Variants in SULT1C3 observed in about 807,000 individuals in gnomAD.
SULT1C3 encodes the protein sulfotransferase family 1C member 3.
A neutral mutation model predicts 28.4 loss-of-function variants in SULT1C3; 31 were observed. The ratio of observed to expected loss-of-function variants is 1.09; its 90% CI spans 0.82 to 1.47. SULT1C3 has a LOEUF of 1.47. SULT1C3 is among the 40% of genes most tolerant of loss of function. The pLI is 0.00. For synonymous variants in SULT1C3, 106 were observed against 92.2 expected (o/e 1.15, Z -0.86); for missense variants, 307 against 272.5 (o/e 1.13, Z -0.89).
At chr2:108,246,533 A>G (rs1159600543) in intron 1 of SULT1C3, among the ~76,000 whole-genome samples, 18 of 152,156 alleles carry the variant, frequency 1.2e-4, no homozygotes, top group Non-Finnish European at 2.9e-5. Flanking sequence ...TCAGACCCCA[A>G]CTAAATTCCA....
intron 4 of SULT1C3, among the ~76,000 whole-genome samples, chr2:108,254,686 T>G (rs1675816410): frequency 6.6e-6 from 1 of 150,704 alleles, no homozygotes; most frequent in Non-Finnish European, 1.5e-5. Flanking sequence ...CCATGTGAGA[T>G]ATGTGTGTGT....
At chr2:108,264,430 A>G (rs1676086431), downstream of SULT1C3, among the ~76,000 whole-genome samples, 1 of 152,148 alleles carries the variant, frequency 6.6e-6, no homozygotes, top group Non-Finnish European at 1.5e-5. Context: ...AGAGTTAGTT[A>G]TACTATGCTT....
At chr2:108,254,775 A>ATATATGTATGTATGCG (rs1675824385) in intron 4 of SULT1C3, among the ~76,000 whole-genome samples, 2 of 150,866 alleles carry the variant, frequency 1.3e-5, no homozygotes, top group Non-Finnish European at 3.0e-5. Context: ...GTATGTATGC[A>ATATATGTATGTATGCG]TATATATGTA....
chr2:108,245,921 C>G (rs181201839), intron 1 of SULT1C3, among the ~76,000 whole-genome samples: 12 of 152,304 alleles, frequency 7.9e-5, no homozygotes, highest in Middle Eastern at 3.4e-3. Flanking sequence ...CCTTTAACAG[C>G]ACCCAAGTCA....
intron 5 of SULT1C3, among the ~76,000 whole-genome samples, chr2:108,257,462 A>G (rs1357517392): frequency 6.6e-6 from 1 of 152,044 alleles, no homozygotes; most frequent in African/African-American, 2.4e-5. Context: ...TATATTATGC[A>G]TATATATAAA....
At chr2:108,264,849 A>G (rs773376936), downstream of SULT1C3, 1 of 1,612,898 alleles carries the variant, frequency 6.2e-7, no homozygotes, top group Non-Finnish European at 8.5e-7. Flanking sequence ...AATTGAGAAG[A>G]TACTGAAGTT....
At chr2:108,252,618 T>C (rs535601873) in intron 3 of SULT1C3, 125 bp downstream of exon 3, 1 of 1,149,648 alleles carries the variant, frequency 8.7e-7, no homozygotes, top group Non-Finnish European at 1.2e-6. Context: ...GTCTATTTGT[T>C]CTCAGGCCAA....
At chr2:108,244,688 G>T (rs561658424) in intron 1 of SULT1C3, among the ~76,000 whole-genome samples, 1 of 152,280 alleles carries the variant, frequency 6.6e-6, no homozygotes, top group Admixed American at 6.5e-5. Flanking sequence ...AGGGTGGTCA[G>T]AAAATCAGCC....
chr2:108,255,470 A>C (rs1393162096), intron 4 of SULT1C3, 102 bp from the exon 5 acceptor site: 1 of 1,365,724 alleles, frequency 7.3e-7, no homozygotes, highest in African/African-American at 1.5e-5. Context: ...TAATGCTATA[A>C]ACTTATAGGA....
chr2:108,251,795 C>T (rs1675730843), intron 2 of SULT1C3, among the ~76,000 whole-genome samples: 2 of 151,870 alleles, frequency 1.3e-5, no homozygotes, highest in South Asian at 4.2e-4. Flanking sequence ...GTAATGCAGC[C>T]AATACATCTT....
chr2:108,240,056 C>A lies in SULT1C3; in HGVS notation c.-35C>A, dbSNP rs1374001591. On this transcript the variant is annotated 5_prime_UTR_variant, in exon 1 of 8. The change creates a new upstream start codon in the 5' untranslated region. Coordinates refer to ENST00000681802, the MANE Select transcript of SULT1C3 (RefSeq NM_001320878.2). ...AAGCAGTTTGACTAAAGGCAGCAAG[C>A]TGCTTCCTCTGCTGCCTGAGATACC... is the stretch of plus-strand genomic sequence containing the variant. Among the ~76,000 whole-genome samples, 3 of 152,230 alleles carry A rather than the reference C, an allele frequency of 2.0e-5. No homozygotes were observed. The highest frequency in any genetic ancestry group is 6.5e-5 in the Admixed American group (1 of 15,286).
chr2:108,252,801 C>A (rs1263158463), intron 3 of SULT1C3, among the ~76,000 whole-genome samples: 1 of 151,904 alleles, frequency 6.6e-6, no homozygotes. Context: ...AGTGGAAAGG[C>A]CAGAAATTAG....
intron 2 of SULT1C3, among the ~76,000 whole-genome samples, chr2:108,247,834 A>C (rs1675626232): frequency 6.6e-6 from 1 of 152,208 alleles, no homozygotes. Flanking sequence ...TCTCATTCAG[A>C]AAAGCCCAAT....
chr2:108,263,369 C>T (rs1050433353), downstream of SULT1C3, among the ~76,000 whole-genome samples: 2 of 152,160 alleles, frequency 1.3e-5, no homozygotes, highest in Non-Finnish European at 2.9e-5. Context: ...AACTTAACCA[C>T]TCACTGAATA....
At chr2:108,254,774 C>CGT (rs1675824171) in intron 4 of SULT1C3, among the ~76,000 whole-genome samples, 2 of 146,220 alleles carry the variant, frequency 1.4e-5, no homozygotes, top group Non-Finnish European at 3.0e-5. Context: ...TGTATGTATG[C>CGT]ATATATATGT....
intron 5 of SULT1C3, 78 bp from the exon 6 acceptor site, chr2:108,258,656 C>A: frequency 9.9e-7 from 1 of 1,013,862 alleles, no homozygotes; most frequent in South Asian, 1.6e-5. Flanking sequence ...AAGCTTATTT[C>A]AAAGGAGCAC....
Position 108,260,677 on chromosome 2 carries a change from C to T in SULT1C3, c.912C>T (p.Ile304=), listed in dbSNP as rs1313177460. ...AGSTLNFCLE[I] ...CCACACTGAACTTCTGCCTGGAGAT[C>T]TGAGAGGAACAACAACAAACTAGGT... The change falls in exon 8 of 8, where the codon ATC becomes ATT. Residue 304 remains isoleucine, a synonymous_variant. Transcript: ENST00000681802. 1 of 466,824 alleles carries T rather than the reference C, an allele frequency of 2.1e-6. No individual in the cohort carries two copies. Among genetic ancestry groups the T allele is most frequent in the African/African-American group, 2.0e-5 (1 of 50,694 alleles). 28.9% of individuals were successfully genotyped at this position (466,824 alleles called of 1,614,324 possible). A position where few individuals can be genotyped will look rare whatever the true frequency, so the allele number is the denominator to read the frequency against.
chr2:108,258,722 G>C lies in SULT1C3; in HGVS notation c.527-12G>C, dbSNP rs762408069. On this transcript the variant is annotated splice_polypyrimidine_tract_variant and intron_variant, in intron 5 of 7. Transcript: ENST00000681802. ...CAGTACTGGGAACTAACAGTGCTCT[G>C]ACTTCTTCCAGTTGTTGGCGGGTCC... 1.2e-6 allele frequency: 2 copies of C among 1,609,028 alleles called. No homozygotes were observed. Among genetic ancestry groups the C allele is most frequent in the Non-Finnish European group, 8.5e-7 (1 of 1,176,634 alleles).
At chr2:108,263,213 CTT>C (rs138039533), downstream of SULT1C3, among the ~76,000 whole-genome samples, 8,732 of 152,146 alleles carry the variant, frequency 0.057, 267 homozygotes, top group South Asian at 0.071. Flanking sequence ...CCCAATAAAA[CTT>C]ATATAATCCT....
Sources: gnomAD v4.1 joint callset for allele counts (sites outside exome capture counted in the v4.1 genomes callset) on GRCh38, gnomAD v4.1.1 for gene constraint, MANE v1.5 for transcripts, NCBI Gene and HGNC (gene_info 2026-07-23, HGNC 2026-07-21) for gene names.